Variants in RGS7 observed in about 807,000 individuals in gnomAD.
RGS7 encodes the protein regulator of G protein signaling 7.
RGS7 carries 27 observed loss-of-function variants against 81.1 expected under a neutral mutation model. That is an observed-to-expected ratio of 0.33 (90% CI 0.25 to 0.46). The LOEUF is 0.46. Ranked by LOEUF, RGS7 falls within the 20% of genes least tolerant of loss-of-function variation. RGS7 has a pLI of 1.00. For synonymous variants in RGS7, 208 were observed against 207.7 expected (o/e 1.00, Z -0.01); for missense variants, 396 against 607.4 (o/e 0.65, Z 3.66).
chr1:240,984,782 A>C (rs914938221), intron 3 of RGS7, among the ~76,000 whole-genome samples: 1 of 152,226 alleles, frequency 6.6e-6, no homozygotes, highest in African/African-American at 2.4e-5. Flanking sequence ...CATTGGCAAA[A>C]TAATTCTAGC....
chr1:241,247,563 GGTCAAAGGGTA>G, intron 2 of RGS7, among the ~76,000 whole-genome samples: 1 of 152,126 alleles, frequency 6.6e-6, no homozygotes, highest in Non-Finnish European at 1.5e-5. Flanking sequence ...AGCCACGGAG[GGTCAAAGGGTA>G]GTAAGGCTTT....
At chr1:241,168,448 G>A (rs1220872261) in intron 2 of RGS7, among the ~76,000 whole-genome samples, 1 of 152,146 alleles carries the variant, frequency 6.6e-6, no homozygotes, top group Non-Finnish European at 1.5e-5. Context: ...ATACTCACTA[G>A]GGTGGCTCCC....
rs1047432172 is a variant in RGS7 at position 241,036,319 on chromosome 1, G to A, written c.176-53190C>T. 3.9e-5 allele frequency among the ~76,000 whole-genome samples: 6 copies of A among 152,152 alleles called. 1 individual carries two copies. The highest frequency in any genetic ancestry group is 1.4e-4 in the African/African-American group (6 of 41,418). On this transcript the variant is annotated intron_variant, in intron 3 of 18. Coordinates refer to ENST00000440928, the MANE Select transcript of RGS7 (RefSeq NM_001364886.1). ...CATTTACACATTGAAAGAAACACAA[G>A]TATAGAATAGTTGCATTATCAAATA...
intron 2 of RGS7, among the ~76,000 whole-genome samples, chr1:241,127,049 CT>C (rs1281101613): frequency 1.3e-5 from 2 of 151,982 alleles, no homozygotes; most frequent in Non-Finnish European, 1.5e-5. Context: ...ATCTTATGGT[CT>C]AAGGAGAATA....
chr1:241,007,252 T>C (rs1439029996), intron 3 of RGS7, among the ~76,000 whole-genome samples: 2 of 152,126 alleles, frequency 1.3e-5, no homozygotes, highest in East Asian at 3.9e-4. Context: ...TATTTTCTTT[T>C]CTCTAGCTTA....
intron 2 of RGS7, among the ~76,000 whole-genome samples, chr1:241,333,091 G>A (rs1418875318): frequency 6.6e-6 from 1 of 152,224 alleles, no homozygotes; most frequent in African/African-American, 2.4e-5. Context: ...TCAGGGACAG[G>A]AAAAGCAGCT....
At chr1:240,865,157 T>C (rs748057502) in intron 9 of RGS7, among the ~76,000 whole-genome samples, 6 of 152,200 alleles carry the variant, frequency 3.9e-5, no homozygotes, top group Non-Finnish European at 7.3e-5. Context: ...GACTGCTGAA[T>C]CTTAGAAAGG....
intron 5 of RGS7, among the ~76,000 whole-genome samples, chr1:240,932,785 G>A (rs1414063977): frequency 6.6e-6 from 1 of 150,622 alleles, no homozygotes; most frequent in Non-Finnish European, 1.5e-5. Context: ...TGGGATTACA[G>A]GTGTGAGCCA....
chr1:241,216,878 T>C (rs1449887437), intron 2 of RGS7, among the ~76,000 whole-genome samples: 2 of 152,240 alleles, frequency 1.3e-5, no homozygotes, highest in Non-Finnish European at 2.9e-5. Flanking sequence ...CTGAGAAATA[T>C]AGGACAGAGT....
At chr1:241,253,995 G>C (rs2076943912) in intron 2 of RGS7, among the ~76,000 whole-genome samples, 2 of 151,938 alleles carry the variant, frequency 1.3e-5, no homozygotes, top group Non-Finnish European at 1.5e-5. Context: ...TAAGAAATTA[G>C]TGGTAAAATC....
At chr1:241,329,879 T>C (rs1239248119) in intron 2 of RGS7, among the ~76,000 whole-genome samples, 1 of 152,188 alleles carries the variant, frequency 6.6e-6, no homozygotes, top group Admixed American at 6.5e-5. Flanking sequence ...CAGCAAGTGC[T>C]AATCAATAAG....
At chr1:241,256,732 A>T (rs886812477) in intron 2 of RGS7, among the ~76,000 whole-genome samples, 1 of 152,060 alleles carries the variant, frequency 6.6e-6, no homozygotes, top group Non-Finnish European at 1.5e-5. Context: ...GTCTCTTCTT[A>T]TAGGGGCACT....
Position 241,320,558 on chromosome 1 carries a change from G to T in RGS7, c.78+35141C>A, listed in dbSNP as rs1398028171. On this transcript the variant is annotated intron_variant, in intron 2 of 18. Transcript: ENST00000440928. ...CTCGAGTAGTAAAAACAAACTAGGT[G>T]TCTTGACACCCTAAAAAGGGTGAAT... Among the ~76,000 whole-genome samples the T allele has an allele frequency of 6.6e-5, 10 of 152,302 alleles. No homozygotes were observed. The East Asian group carries it at 1.9e-3, about 29-fold the overall frequency.
chr1:241,221,474 C>T (rs1170624375), intron 2 of RGS7, among the ~76,000 whole-genome samples: 1 of 152,206 alleles, frequency 6.6e-6, no homozygotes, highest in African/African-American at 2.4e-5. Flanking sequence ...GGAATACGGG[C>T]AGATGTAAAT....
At chr1:240,898,261 G>GT (rs1174184302) in intron 6 of RGS7, among the ~76,000 whole-genome samples, 1 of 152,076 alleles carries the variant, frequency 6.6e-6, no homozygotes, top group Non-Finnish European at 1.5e-5. Flanking sequence ...TTTTTGAAGG[G>GT]TTTTTTGTGT....
intron 2 of RGS7, among the ~76,000 whole-genome samples, chr1:241,328,817 A>G (rs531884497): frequency 6.6e-6 from 1 of 152,324 alleles, no homozygotes; most frequent in Admixed American, 6.5e-5. Flanking sequence ...CTACCCCCAA[A>G]TAAATCTACA....
intron 2 of RGS7, among the ~76,000 whole-genome samples, chr1:241,156,183 G>GATAT (rs2069135241): frequency 6.8e-6 from 1 of 146,882 alleles, no homozygotes; most frequent in African/African-American, 2.7e-5. Context: ...CATATACATA[G>GATAT]ACAGACAGAC....
intron 2 of RGS7, among the ~76,000 whole-genome samples, chr1:241,287,215 T>G (rs1472007922): frequency 6.6e-6 from 1 of 152,032 alleles, no homozygotes; most frequent in Non-Finnish European, 1.5e-5. Flanking sequence ...ATCAGTAGAG[T>G]TTATGACATT....
chr1:241,006,212 T>A (rs1380303773), intron 3 of RGS7, among the ~76,000 whole-genome samples: 2 of 152,208 alleles, frequency 1.3e-5, no homozygotes, highest in African/African-American at 4.8e-5. Context: ...GTCTCTCACT[T>A]CAATTAGAAA....
Sources: gnomAD v4.1 joint callset for allele counts (sites outside exome capture counted in the v4.1 genomes callset) on GRCh38, gnomAD v4.1.1 for gene constraint, MANE v1.5 for transcripts, NCBI Gene and HGNC (gene_info 2026-07-23, HGNC 2026-07-21) for gene names.